ANKS1B: variants seen among roughly 807,000 people sequenced by gnomAD.
ANKS1B encodes the protein ankyrin repeat and sterile alpha motif domain containing 1B, also known as ankyrin repeat and sterile alpha motif domain-containing protein 1B.
A neutral mutation model predicts 148.3 loss-of-function variants in ANKS1B; 36 were observed. The observed-to-expected ratio is 0.24, with a 90% confidence interval of 0.19 to 0.32. The LOEUF (loss-of-function observed/expected upper bound fraction) is 0.32. Among genes scored for constraint, ANKS1B ranks in the 10% least tolerant of loss-of-function variants. The probability of loss-of-function intolerance (pLI) is 1.00; values close to 1 mark genes in which losing one functional copy is unlikely to be tolerated. For missense variants in ANKS1B, 1,157 were observed against 1,542.6 expected, an observed-to-expected ratio of 0.75 and a Z score of 4.19; for synonymous variants, 542 against 560.8, an observed-to-expected ratio of 0.97 and a Z score of 0.47.
chr12:98,967,809 G>A (rs2099879825), intron 17 of ANKS1B, among the ~76,000 whole-genome samples: 1 of 148,980 alleles, frequency 6.7e-6, no homozygotes, highest in South Asian at 2.1e-4. Context: ...AAATCATACA[G>A]TCCTTTATCA....
At chr12:99,861,117 T>C (rs2089965072) in intron 1 of ANKS1B, among the ~76,000 whole-genome samples, 2 of 152,224 alleles carry the variant, frequency 1.3e-5, no homozygotes, top group South Asian at 4.1e-4. Flanking sequence ...TAAATCAGGC[T>C]GTTCCTGTAC....
intron 8 of ANKS1B, among the ~76,000 whole-genome samples, chr12:99,718,413 C>T (rs558812822): frequency 6.6e-6 from 1 of 152,242 alleles, no homozygotes; most frequent in African/African-American, 2.4e-5. Context: ...CCTCTACTCC[C>T]TCCTTGGCGA....
At chr12:99,340,578 A>C (rs1407645579) in intron 12 of ANKS1B, among the ~76,000 whole-genome samples, 1 of 151,914 alleles carries the variant, frequency 6.6e-6, no homozygotes, top group Non-Finnish European at 1.5e-5. Flanking sequence ...CAAATGCCCC[A>C]GTACCATTAG....
chr12:99,860,945 A>G (rs1221203135), intron 1 of ANKS1B, among the ~76,000 whole-genome samples: 2 of 152,198 alleles, frequency 1.3e-5, no homozygotes, highest in East Asian at 3.8e-4. Context: ...TATGTAAAGA[A>G]CTACAACCCA....
At chr12:99,602,068 A>G (rs1178905328) in intron 9 of ANKS1B, among the ~76,000 whole-genome samples, 1 of 151,964 alleles carries the variant, frequency 6.6e-6, no homozygotes, top group East Asian at 1.9e-4. Context: ...TTGGGAGAGA[A>G]AGGGGAGCAG....
At chr12:99,064,925 T>C (rs1364794886) in intron 16 of ANKS1B, among the ~76,000 whole-genome samples, 2 of 152,220 alleles carry the variant, frequency 1.3e-5, no homozygotes, top group Non-Finnish European at 2.9e-5. Flanking sequence ...CTTGTTGAGG[T>C]AATGTTGACC....
At chr12:99,776,845 T>A (rs1245782255) in intron 6 of ANKS1B, among the ~76,000 whole-genome samples, 1 of 151,936 alleles carries the variant, frequency 6.6e-6, no homozygotes, top group Non-Finnish European at 1.5e-5. Context: ...CACACCCGGC[T>A]CATTTTTTTT....
chr12:99,003,310 C>T, intron 17 of ANKS1B, among the ~76,000 whole-genome samples: 1 of 152,262 alleles, frequency 6.6e-6, no homozygotes, highest in African/African-American at 2.4e-5. Flanking sequence ...TCCGGCTACT[C>T]AGGGGCTTTT....
intron 8 of ANKS1B, among the ~76,000 whole-genome samples, chr12:99,716,878 A>T (rs561302449): frequency 6.6e-6 from 1 of 152,080 alleles, no homozygotes; most frequent in African/African-American, 2.4e-5. Context: ...ATTCTTCCTC[A>T]GCCTCTGCTT....
intron 15 of ANKS1B, among the ~76,000 whole-genome samples, chr12:99,099,277 T>C (rs1270813357): frequency 1.3e-5 from 2 of 152,198 alleles, no homozygotes; most frequent in East Asian, 3.9e-4. Context: ...CCAATCCAGA[T>C]ATCAAGCATG....
chr12:99,310,344 C>G (rs1411683945), intron 12 of ANKS1B, among the ~76,000 whole-genome samples: 1 of 152,070 alleles, frequency 6.6e-6, no homozygotes, highest in East Asian at 1.9e-4. Context: ...GATATTTGAT[C>G]AAACATGATG....
chr12:99,568,754 T>C (rs75550373), intron 9 of ANKS1B, among the ~76,000 whole-genome samples: 2,342 of 152,284 alleles, frequency 0.015, 70 homozygotes, highest in East Asian at 0.1. Flanking sequence ...AAGCACCTAA[T>C]TTATCCTTGC....
intron 12 of ANKS1B, among the ~76,000 whole-genome samples, chr12:99,389,036 A>C (rs910921685): frequency 3.9e-5 from 6 of 152,166 alleles, no homozygotes; most frequent in Admixed American, 6.5e-5. Flanking sequence ...ACACACACTC[A>C]AAAGAAGGAC....
At chr12:99,452,526 T>A (rs1447877196) in intron 10 of ANKS1B, among the ~76,000 whole-genome samples, 2 of 152,138 alleles carry the variant, frequency 1.3e-5, no homozygotes, top group Admixed American at 6.5e-5. Flanking sequence ...GATAAATAAA[T>A]AAGACCAATG....
intron 14 of ANKS1B, among the ~76,000 whole-genome samples, chr12:99,191,140 A>G (rs2080635064): frequency 1.3e-5 from 2 of 152,238 alleles, no homozygotes; most frequent in African/African-American, 4.8e-5. Context: ...TCAAAACCAC[A>G]GTGAGATATT....
chr12:98,919,785 T>C lies in ANKS1B; in HGVS notation c.2779-87649A>G, dbSNP rs1010329358. 2.0e-5 allele frequency among the ~76,000 whole-genome samples: 3 copies of C among 152,156 alleles called. No homozygotes were observed. In the East Asian group the frequency reaches 5.8e-4, roughly 29 times the overall value. The stretch of plus-strand genomic sequence containing the variant: ...GTGTTATGACTGAATGGAAGCTGTG[T>C]GGTTGGTGAAGTACTTCGGCTATAT... On this transcript the variant is annotated intron_variant, in intron 17 of 26. Coordinates refer to ENST00000683438, the MANE Select transcript of ANKS1B (RefSeq NM_001352186.2).
chr12:99,051,022 G>C (rs1334822068), intron 17 of ANKS1B, among the ~76,000 whole-genome samples: 1 of 152,084 alleles, frequency 6.6e-6, no homozygotes, highest in Non-Finnish European at 1.5e-5. Context: ...TCTGTCTCAA[G>C]TCAAGGCTGA....
chr12:99,331,174 T>A (rs1301897198), intron 12 of ANKS1B, among the ~76,000 whole-genome samples: 1 of 151,984 alleles, frequency 6.6e-6, no homozygotes, highest in Non-Finnish European at 1.5e-5. Flanking sequence ...TAACAACTTG[T>A]GTTTTAAGAC....
chr12:99,280,759 C>T (rs535793529), intron 12 of ANKS1B, among the ~76,000 whole-genome samples: 1 of 152,216 alleles, frequency 6.6e-6, no homozygotes, highest in African/African-American at 2.4e-5. Context: ...AACATCAGCT[C>T]TCCTGGGTCT....
Sources: allele counts gnomAD v4.1 joint callset (sites outside exome capture counted in the v4.1 genomes callset), GRCh38; gene constraint gnomAD v4.1.1; transcripts MANE v1.5; gene names NCBI Gene and HGNC (gene_info 2026-07-23, HGNC 2026-07-21).